The following PRKG1 variants were observed in gnomAD, a reference collection of about 807,000 sequenced individuals.
The protein encoded by PRKG1 is protein kinase cGMP-dependent 1.
Under a neutral mutation model 88.1 loss-of-function variants are expected in PRKG1, and 35 were observed. The observed-to-expected ratio is 0.40, with a 90% CI of 0.30 to 0.53. PRKG1 has a LOEUF of 0.53. Among genes scored for constraint, PRKG1 ranks in the 20% least tolerant of loss-of-function variants. PRKG1 has a pLI of 0.59. For missense variants in PRKG1, 540 were observed against 839.8 expected, an observed-to-expected ratio of 0.64 and a Z score of 4.41; for synonymous variants, 303 against 292.5, an observed-to-expected ratio of 1.04 and a Z score of -0.37.
intron 5 of PRKG1, chr10:52,046,632 G>A (rs1031250715): frequency 5.3e-5 from 8 of 152,122 alleles, no homozygotes; most frequent in African/African-American, 1.9e-4. Context: ...GGGAAGTTAA[G>A]TGACTTTCTT....
At chr10:52,015,587 C>G (rs1589520191) in intron 5 of PRKG1, among the ~76,000 whole-genome samples, 1 of 152,222 alleles carries the variant, frequency 6.6e-6, no homozygotes, top group Admixed American at 6.5e-5. Flanking sequence ...TAAATTTCTG[C>G]AGCTGGCTTG....
intron 5 of PRKG1, among the ~76,000 whole-genome samples, chr10:52,008,126 CAGTATTA>C (rs1207810332): frequency 6.6e-6 from 1 of 152,074 alleles, no homozygotes; most frequent in Non-Finnish European, 1.5e-5. Flanking sequence ...ACAGCTAAAT[CAGTATTA>C]AGAGAGAAGT....
chr10:51,604,466 A>T (rs1346061268), intron 3 of PRKG1, among the ~76,000 whole-genome samples: 1 of 152,186 alleles, frequency 6.6e-6, no homozygotes, highest in Non-Finnish European at 1.5e-5. Flanking sequence ...CCCCCATTAG[A>T]TCATGAGCTC....
chr10:51,158,637 C>A (rs1239848860), intron 2 of PRKG1, among the ~76,000 whole-genome samples: 4 of 151,870 alleles, frequency 2.6e-5, no homozygotes, highest in Non-Finnish European at 5.9e-5. Context: ...GCATCCATTC[C>A]TCTTCTCTTA....
At chr10:51,701,807 A>G (rs893089375) in intron 3 of PRKG1, among the ~76,000 whole-genome samples, 2 of 151,234 alleles carry the variant, frequency 1.3e-5, no homozygotes, top group Non-Finnish European at 2.9e-5. Context: ...GCACATCTTG[A>G]CAGAGTTTCT....
intron 3 of PRKG1, among the ~76,000 whole-genome samples, chr10:51,801,508 C>T (rs1346342259): frequency 6.6e-6 from 1 of 152,088 alleles, no homozygotes; most frequent in Non-Finnish European, 1.5e-5. Context: ...AATTTGTTTT[C>T]TATCCCGTAG....
intron 7 of PRKG1, among the ~76,000 whole-genome samples, chr10:52,079,040 A>G (rs1007309695): frequency 1.3e-5 from 2 of 152,210 alleles, no homozygotes; most frequent in African/African-American, 2.4e-5. Context: ...AAATGCATTA[A>G]TTGCTCTTCA....
chr10:50,991,862 A>C lies in PRKG1; in HGVS notation c.266+218A>C, dbSNP rs968381573. Among the ~76,000 whole-genome samples the C allele has an allele frequency of 1.3e-5, 2 of 152,086 alleles. No homozygotes were observed. Among genetic ancestry groups the C allele is most frequent in the Non-Finnish European group, 2.9e-5 (2 of 67,986 alleles). ...TGTCTCCGCCGGGCTGGGAAAGGCG[A>C]GCTGCACGGGGAGACGCGCCCCTGT... On this transcript the variant is annotated intron_variant, in intron 1 of 17. Transcript: ENST00000401604. The surrounding 1 kb of genome is among the most constrained non-coding windows in gnomAD (Gnocchi z 4.5).
intron 3 of PRKG1, among the ~76,000 whole-genome samples, chr10:51,520,294 A>G (rs959968698): frequency 1.3e-5 from 2 of 149,248 alleles, no homozygotes; most frequent in African/African-American, 4.9e-5. Context: ...TGAAATATAT[A>G]TTAAATTAAA....
At chr10:52,193,223 A>C (rs2132758223) in intron 9 of PRKG1, among the ~76,000 whole-genome samples, 1 of 152,172 alleles carries the variant, frequency 6.6e-6, no homozygotes, top group East Asian at 1.9e-4. Context: ...ATTTTACTTA[A>C]CCATTTGACT....
chr10:52,055,562 T>TA (rs1846090970), intron 6 of PRKG1, among the ~76,000 whole-genome samples: 1 of 152,194 alleles, frequency 6.6e-6, no homozygotes. Context: ...TATACTATTG[T>TA]ATTACTAAAA....
At chr10:51,715,018 C>T (rs1441261691) in intron 3 of PRKG1, among the ~76,000 whole-genome samples, 7 of 152,124 alleles carry the variant, frequency 4.6e-5, no homozygotes, top group South Asian at 2.1e-4. Context: ...TATTTCCCCC[C>T]GTGGGATGTG....
At chr10:52,194,250 T>C (rs988598591) in intron 9 of PRKG1, among the ~76,000 whole-genome samples, 2 of 152,184 alleles carry the variant, frequency 1.3e-5, no homozygotes, top group African/African-American at 4.8e-5. Context: ...TTATTCTATA[T>C]CATTTATTAG....
intron 17 of PRKG1, among the ~76,000 whole-genome samples, chr10:52,292,709 A>G (rs1295952713): frequency 6.6e-6 from 1 of 152,078 alleles, no homozygotes; most frequent in Non-Finnish European, 1.5e-5. Flanking sequence ...AAAATTTAAC[A>G]ACCCTTCATG....
intron 3 of PRKG1, among the ~76,000 whole-genome samples, chr10:51,468,440 A>G (rs1231006027): frequency 6.6e-6 from 1 of 151,858 alleles, no homozygotes; most frequent in Non-Finnish European, 1.5e-5. Context: ...CTAATTTTAC[A>G]TGTATGTGTA....
chr10:51,912,442 G>A (rs1032108992), intron 5 of PRKG1, among the ~76,000 whole-genome samples: 12 of 152,160 alleles, frequency 7.9e-5, no homozygotes, highest in Non-Finnish European at 2.9e-5. Flanking sequence ...AGGCCAGTTA[G>A]AGGGCTACTG....
chr10:52,056,371 G>A (rs1846110238), intron 6 of PRKG1, among the ~76,000 whole-genome samples: 1 of 152,154 alleles, frequency 6.6e-6, no homozygotes, highest in Non-Finnish European at 1.5e-5. Context: ...TCGCTATGAT[G>A]CAATGATGTG....
At chr10:51,225,716 A>T (rs1453156479) in intron 2 of PRKG1, among the ~76,000 whole-genome samples, 2 of 152,118 alleles carry the variant, frequency 1.3e-5, no homozygotes, top group Non-Finnish European at 2.9e-5. Flanking sequence ...TTTTAAGTGA[A>T]TGTGGCTATA....
At chr10:51,476,301 A>C (rs1489133600) in intron 3 of PRKG1, among the ~76,000 whole-genome samples, 8 of 152,034 alleles carry the variant, frequency 5.3e-5, no homozygotes, top group Non-Finnish European at 7.4e-5. Context: ...TTGAGTTTTC[A>C]CTGTGAAGGT....
Sources: gnomAD v4.1 joint callset for allele counts (sites outside exome capture counted in the v4.1 genomes callset) on GRCh38, gnomAD v4.1.1 for gene constraint, Gnocchi (gnomAD v3.1) non-coding constraint, MANE v1.5 for transcripts, NCBI Gene and HGNC (gene_info 2026-07-23, HGNC 2026-07-21) for gene names.